ADGB: variants seen among roughly 807,000 people sequenced by gnomAD.
The protein encoded by ADGB is androglobin, also known as calpain-7-like protein.
Under a neutral mutation model 210.5 loss-of-function variants are expected in ADGB, and 172 were observed. That is an observed-to-expected ratio of 0.82 (90% CI 0.72 to 0.93). ADGB has a LOEUF of 0.93. Ranked by LOEUF, ADGB falls within the 40% of genes least tolerant of loss-of-function variation. The probability of loss-of-function intolerance (pLI) is 0.00; values close to 1 mark genes in which losing one functional copy is unlikely to be tolerated. For synonymous variants in ADGB, 658 were observed against 662.7 expected, an observed-to-expected ratio of 0.99 and a Z score of 0.11; for missense variants, 2,025 against 1,964.8, an observed-to-expected ratio of 1.03 and a Z score of -0.58.
rs184301003 is a variant in ADGB, at chr6:146,617,670, A to G, written c.75-17705A>G. On this transcript the variant is annotated intron_variant, in intron 1 of 35. Transcript: ENST00000397944. ...CATGACGGGTTATTAAATTTTATCAAATGCATTTTCAATTATCTATTGAAA... is the reference window on the plus strand; with the variant it reads ...CATGACGGGTTATTAAATTTTATCAGATGCATTTTCAATTATCTATTGAAA... Among the ~76,000 whole-genome samples the G allele has an allele frequency of 1.5e-4, 23 of 152,128 alleles. No individual in the cohort carries two copies. In the East Asian group the frequency reaches 3.3e-3, roughly 22 times the overall value.
Position 146,782,246 on chromosome 6 carries a change from A to G in ADGB, c.4035+54A>G, listed in dbSNP as rs1458072307. 2.8e-6 allele frequency: 4 copies of G among 1,411,028 alleles called. No homozygotes were observed. In the Admixed American group the frequency reaches 1.2e-4, roughly 44 times the overall value. 87.4% of individuals were successfully genotyped at this position (1,411,028 alleles called of 1,614,324 possible). On this transcript the variant is annotated intron_variant, in intron 30 of 35. Transcript: ENST00000397944. ...GACTTAATGATTTTAGGTTCAGTGG[A>G]TTCCTATTTGCCTATCTCGTCTGAG...
chr6:146,609,455 T>C (rs1780675410), intron 1 of ADGB, among the ~76,000 whole-genome samples: 1 of 152,200 alleles, frequency 6.6e-6, no homozygotes, highest in Non-Finnish European at 1.5e-5. Flanking sequence ...GTAGTTAATT[T>C]ATAGTATCAA....
At chr6:146,612,879 C>T (rs564542160) in intron 1 of ADGB, among the ~76,000 whole-genome samples, 2 of 152,242 alleles carry the variant, frequency 1.3e-5, no homozygotes, top group East Asian at 1.9e-4. Flanking sequence ...ATACTATTTA[C>T]CATTATTCCA....
At chr6:146,785,438 A>G in intron 31 of ADGB, among the ~76,000 whole-genome samples, 172 bp from the exon 32 acceptor site, 1 of 152,190 alleles carries the variant, frequency 6.6e-6, no homozygotes, top group East Asian at 1.9e-4. Context: ...TGGATGATTC[A>G]GAATTTGAGT....
At chr6:146,647,154 C>A (rs181598102) in intron 3 of ADGB, among the ~76,000 whole-genome samples, 54 of 140,936 alleles carry the variant, frequency 3.8e-4, no homozygotes, top group African/African-American at 1.3e-3. Flanking sequence ...AACAAACAAA[C>A]AAAAAAAACC....
chr6:146,746,361 G>T (rs751170018), intron 26 of ADGB, among the ~76,000 whole-genome samples: 39 of 152,088 alleles, frequency 2.6e-4, no homozygotes, highest in Non-Finnish European at 5.0e-4. Context: ...GATTCTTCAT[G>T]ACATGGCTTC....
intron 7 of ADGB, among the ~76,000 whole-genome samples, chr6:146,668,749 C>A (rs779018056): frequency 6.6e-6 from 1 of 151,934 alleles, no homozygotes; most frequent in African/African-American, 2.4e-5. Context: ...AAACAAGAGA[C>A]GAGAATAATT....
intron 13 of ADGB, among the ~76,000 whole-genome samples, chr6:146,711,902 A>G (rs189329564): frequency 9.0e-4 from 137 of 152,016 alleles, no homozygotes; most frequent in Non-Finnish European, 2.6e-4. Context: ...AAAAACCCCA[A>G]AAACATTAGT....
Position 146,740,587 on chromosome 6 carries a change from T to A in ADGB, c.3017T>A (p.Val1006Glu). The stretch of plus-strand genomic sequence containing the variant: ...CAGCCACCAAATTCTTGGTTTATAG[T>A]ATTCAGGTGAGGTTGTTATATAGTG... ...QEQPPNSWFIVFRETFLVHQD... is the reference protein window; with the variant it reads ...QEQPPNSWFIEFRETFLVHQD... Residue 1006 changes from valine (V) to glutamate (E), a missense_variant, in exon 24 of 36, where the codon GTA becomes GAA. By Grantham distance (121) the Val-to-Glu change is moderately radical. Coordinates refer to ENST00000397944, the MANE Select transcript of ADGB (RefSeq NM_024694.4). 6.5e-7 allele frequency: 1 copy of A among 1,550,296 alleles called. No homozygotes were observed.
Position 146,770,402 on chromosome 6 carries a change from C to T in ADGB, c.3862+1271C>T, listed in dbSNP as rs535236282. The T allele has an allele frequency of 1.3e-5, 3 of 226,030 alleles. No homozygotes were observed. The South Asian group carries it at 1.4e-4, about 11-fold the overall frequency. The allele number at this position is 226,030 out of a possible 1,614,324, so 14.0% of individuals were successfully genotyped here. A position where few individuals can be genotyped will look rare whatever the true frequency, so the allele number is the denominator to read the frequency against. ...GACACCAAGAGTTCCCATTTCCACT[C>T]AAATGTATTGAGTGTGCTTCCATAG... On this transcript the variant is annotated intron_variant, in intron 29 of 35. Coordinates refer to ENST00000397944, the MANE Select transcript of ADGB (RefSeq NM_024694.4).
intron 26 of ADGB, among the ~76,000 whole-genome samples, chr6:146,750,994 G>A (rs1424144493): frequency 2.0e-5 from 3 of 152,078 alleles, no homozygotes; most frequent in Admixed American, 1.3e-4. Context: ...ATTAAGTTCT[G>A]GTGTACCTGT....
intron 29 of ADGB, among the ~76,000 whole-genome samples, chr6:146,780,765 C>T (rs1413962622): frequency 6.6e-6 from 1 of 151,942 alleles, no homozygotes; most frequent in Non-Finnish European, 1.5e-5. Flanking sequence ...TTTAATACCC[C>T]AATTTTAATA....
intron 33 of ADGB, among the ~76,000 whole-genome samples, chr6:146,793,005 C>A: frequency 6.6e-6 from 1 of 152,028 alleles, no homozygotes; most frequent in East Asian, 1.9e-4. Context: ...TTGTGAAGAG[C>A]AAAAGAACAA....
At chr6:146,735,133 A>G (rs1027000939) in intron 22 of ADGB, among the ~76,000 whole-genome samples, 1 of 152,198 alleles carries the variant, frequency 6.6e-6, no homozygotes, top group Admixed American at 6.5e-5. Flanking sequence ...AAAACCCTAA[A>G]TTACATAGTT....
chr6:146,693,869 G>C (rs1776369204), intron 12 of ADGB, among the ~76,000 whole-genome samples: 2 of 152,126 alleles, frequency 1.3e-5, no homozygotes, highest in South Asian at 2.1e-4. Flanking sequence ...TGCCTAACAA[G>C]GGTGGCTTTT....
chr6:146,716,050 G>A (rs948183624), intron 14 of ADGB, among the ~76,000 whole-genome samples: 1 of 115,010 alleles, frequency 8.7e-6, no homozygotes, highest in Non-Finnish European at 1.7e-5. Flanking sequence ...CCTGGACTCC[G>A]TCTCAAAAAA....
At chr6:146,723,566 G>A (rs1028966719) in intron 17 of ADGB, among the ~76,000 whole-genome samples, 46 of 152,062 alleles carry the variant, frequency 3.0e-4, no homozygotes, top group African/African-American at 1.1e-3. Context: ...GTGAAACCCT[G>A]TCTCTACTAA....
chr6:146,780,335 G>A (rs745753780), intron 29 of ADGB, among the ~76,000 whole-genome samples: 9 of 152,036 alleles, frequency 5.9e-5, no homozygotes, highest in Non-Finnish European at 1.3e-4. Context: ...TAAAAAGGCA[G>A]ACATAAATCC....
intron 20 of ADGB, among the ~76,000 whole-genome samples, chr6:146,731,292 C>A (rs1776982336): frequency 6.6e-6 from 1 of 151,620 alleles, no homozygotes; most frequent in African/African-American, 2.4e-5. Context: ...CTTATCCATT[C>A]TTCAAGTTGG....
Sources: gnomAD v4.1 joint callset for allele counts (sites outside exome capture counted in the v4.1 genomes callset) on GRCh38, gnomAD v4.1.1 for gene constraint, MANE v1.5 for transcripts, NCBI Gene and HGNC (gene_info 2026-07-23, HGNC 2026-07-21) for gene names.